The following FOXN3 variants were observed in gnomAD, a reference collection of about 807,000 sequenced individuals.
FOXN3 encodes the protein forkhead box N3.
In FOXN3, 7 loss-of-function variants were observed where a neutral mutation model predicts 38.4. The observed-to-expected ratio is 0.18, with a 90% CI of 0.10 to 0.34. The LOEUF is 0.34. Among genes scored for constraint, FOXN3 ranks in the 10% least tolerant of loss-of-function variants. The pLI, the probability that FOXN3 is intolerant of heterozygous loss-of-function variation, is 1.00. For synonymous variants in FOXN3, 230 were observed against 242.2 expected, an observed-to-expected ratio of 0.95 and a Z score of 0.47; for missense variants, 456 against 613.4, an observed-to-expected ratio of 0.74 and a Z score of 2.71.
At chr14:89,325,314 GACCACCACCACCACCACC>G (rs774094314) in intron 3 of FOXN3, among the ~76,000 whole-genome samples, 4,380 of 101,746 alleles carry the variant, frequency 0.043, 264 homozygotes, top group African/African-American at 0.16. Context: ...CCACCACCAC[GACCACCACCACCACCACC>G]ACCACCACCA....
intron 4 of FOXN3, among the ~76,000 whole-genome samples, chr14:89,183,427 G>T (rs1162902429): frequency 6.6e-6 from 1 of 152,092 alleles, no homozygotes; most frequent in Non-Finnish European, 1.5e-5. Flanking sequence ...TTAGATGATG[G>T]GGATATAAGG....
intron 4 of FOXN3, among the ~76,000 whole-genome samples, chr14:89,253,346 T>C (rs531574284): frequency 7.2e-5 from 11 of 152,186 alleles, no homozygotes; most frequent in South Asian, 2.1e-4. Context: ...CAGGGAGAGC[T>C]GCCCAGGGCC....
intron 1 of FOXN3, among the ~76,000 whole-genome samples, chr14:89,573,446 A>T (rs774600098): frequency 3.3e-5 from 5 of 152,196 alleles, no homozygotes; most frequent in Non-Finnish European, 7.3e-5. Context: ...TAATTTCAAA[A>T]CATACCTACT....
chr14:89,326,992 G>A (rs190942095), intron 3 of FOXN3, among the ~76,000 whole-genome samples: 3 of 152,114 alleles, frequency 2.0e-5, no homozygotes, highest in East Asian at 1.9e-4. Flanking sequence ...GCTCACACAC[G>A]CACCACCCAA....
intron 2 of FOXN3, among the ~76,000 whole-genome samples, chr14:89,354,105 G>A (rs2140013619): frequency 6.6e-6 from 1 of 152,252 alleles, no homozygotes. Context: ...GTTTCTAATA[G>A]GAGAGAGAAG....
chr14:89,344,116 T>A (rs1322286884), intron 3 of FOXN3, among the ~76,000 whole-genome samples: 1 of 152,180 alleles, frequency 6.6e-6, no homozygotes, highest in Non-Finnish European at 1.5e-5. Context: ...ATCCAAAAAA[T>A]AAATCTTTAG....
intron 2 of FOXN3, among the ~76,000 whole-genome samples, chr14:89,375,496 G>C (rs75043321): frequency 1.1e-4 from 16 of 152,074 alleles, no homozygotes; most frequent in Admixed American, 2.0e-4. Context: ...GAACTACAAA[G>C]AAATATTGTT....
rs148269476 is a variant in FOXN3 at position 89,386,334 on chromosome 14, G to A, written c.543+25600C>T. On this transcript the variant is annotated intron_variant, in intron 2 of 5. Transcript: ENST00000557258. ...GTCATCTGCTCTCTAGTGAAAGCAG[G>A]AGCACTGGAGTCAGGGACACACATG... Among the ~76,000 whole-genome samples, 65 of 152,330 alleles carry A rather than the reference G, an allele frequency of 4.3e-4. No homozygotes were observed. The East Asian group carries it at 0.011, about 26-fold the overall frequency.
intron 1 of FOXN3, among the ~76,000 whole-genome samples, chr14:89,546,153 G>A (rs1894875690): frequency 6.6e-6 from 1 of 152,052 alleles, no homozygotes; most frequent in Admixed American, 6.6e-5. Flanking sequence ...AAGAACCTAT[G>A]GTATGAATAT....
At chr14:89,327,068 TGAAAGA>T (rs80162827) in intron 3 of FOXN3, among the ~76,000 whole-genome samples, 22,772 of 151,902 alleles carry the variant, frequency 0.15, 1,788 homozygotes, top group South Asian at 0.19. Flanking sequence ...AGTCCAATTC[TGAAAGA>T]GAAAAAGCAC....
chr14:89,192,476 T>C (rs902385920), intron 4 of FOXN3, among the ~76,000 whole-genome samples: 1 of 141,622 alleles, frequency 7.1e-6, no homozygotes, highest in Admixed American at 7.2e-5. Flanking sequence ...AGTTTATATA[T>C]ACTATTACAT....
intron 1 of FOXN3, among the ~76,000 whole-genome samples, chr14:89,488,561 G>A (rs574042746): frequency 6.6e-6 from 1 of 151,522 alleles, no homozygotes; most frequent in South Asian, 2.1e-4. Context: ...GCTGAAGAGG[G>A]AGGAGCATCT....
chr14:89,491,481 T>A (rs926045870), intron 1 of FOXN3, among the ~76,000 whole-genome samples: 1 of 152,210 alleles, frequency 6.6e-6, no homozygotes, highest in Non-Finnish European at 1.5e-5. Flanking sequence ...CAAATGCCTA[T>A]GTGCTTTCAA....
At chr14:89,355,061 T>C (rs1889153517) in intron 2 of FOXN3, 1 of 151,590 alleles carries the variant, frequency 6.6e-6, no homozygotes, top group South Asian at 2.1e-4. Flanking sequence ...AAAAAAATTA[T>C]GGATGAGCCC....
At chr14:89,334,383 G>A (rs546299060) in intron 3 of FOXN3, among the ~76,000 whole-genome samples, 16 of 152,256 alleles carry the variant, frequency 1.1e-4, no homozygotes, top group Non-Finnish European at 1.5e-4. Flanking sequence ...GATGAGGCAG[G>A]TGGATCACCT....
Position 89,174,097 on chromosome 14 carries a change from T to C in FOXN3, c.851+6604A>G, listed in dbSNP as rs183349108. 1.6e-4 allele frequency among the ~76,000 whole-genome samples: 24 copies of C among 152,256 alleles called. No homozygotes were observed. In the East Asian group the frequency reaches 2.3e-3, roughly 15 times the overall value. On this transcript the variant is annotated intron_variant, in intron 5 of 5. Transcript: ENST00000557258. ...ATACTAAGGAGCATGCAGAGAATCA[T>C]TTAATACAAGTTGCATAAAATACTT...
intron 3 of FOXN3, among the ~76,000 whole-genome samples, chr14:89,321,090 C>T (rs1372061172): frequency 6.6e-6 from 1 of 151,426 alleles, no homozygotes; most frequent in Non-Finnish European, 1.5e-5. Flanking sequence ...TAGTTCAATA[C>T]CAACCTGGGC....
chr14:89,313,341 T>C (rs1181326324), intron 3 of FOXN3, among the ~76,000 whole-genome samples: 2 of 152,098 alleles, frequency 1.3e-5, no homozygotes, highest in African/African-American at 2.4e-5. Flanking sequence ...AGGGGATCAC[T>C]TGAGGTTAGG....
chr14:89,297,465 C>T (rs1011285179), intron 3 of FOXN3, among the ~76,000 whole-genome samples: 4 of 150,748 alleles, frequency 2.7e-5, no homozygotes, highest in East Asian at 1.9e-4. Context: ...GAGGCTGAGG[C>T]GAGAGAATGG....
Sources: allele counts gnomAD v4.1 joint callset (sites outside exome capture counted in the v4.1 genomes callset), GRCh38; gene constraint gnomAD v4.1.1; transcripts MANE v1.5; gene names NCBI Gene and HGNC (gene_info 2026-07-23, HGNC 2026-07-21).